DDX10: variants seen among roughly 807,000 people sequenced by gnomAD.
DDX10 encodes the protein probable ATP-dependent RNA helicase DDX10.
In DDX10, 74 loss-of-function variants were observed where a neutral mutation model predicts 104.3. The observed-to-expected ratio is 0.71, with a 90% confidence interval of 0.59 to 0.86. DDX10 has a LOEUF of 0.86. Ranked by LOEUF, DDX10 falls within the 40% of genes least tolerant of loss-of-function variation. The probability of loss-of-function intolerance (pLI) is 0.00; values close to 1 mark genes in which losing one functional copy is unlikely to be tolerated. For missense variants in DDX10, 952 were observed against 1,040.0 expected, an observed-to-expected ratio of 0.92 and a Z score of 1.16; for synonymous variants, 351 against 353.4, an observed-to-expected ratio of 0.99 and a Z score of 0.08.
intron 13 of DDX10, among the ~76,000 whole-genome samples, chr11:108,732,034 A>G (rs534014437): frequency 1.3e-5 from 2 of 152,300 alleles, no homozygotes; most frequent in South Asian, 2.1e-4. Context: ...TATCTTGATT[A>G]TCTTTTTTTC....
intron 16 of DDX10, among the ~76,000 whole-genome samples, chr11:108,888,421 A>G (rs1863330121): frequency 6.6e-6 from 1 of 152,132 alleles, no homozygotes; most frequent in Non-Finnish European, 1.5e-5. Context: ...TCTTTACTAT[A>G]CAGAAGCCCA....
At chr11:108,701,277 C>T (rs1382280353) in intron 9 of DDX10, among the ~76,000 whole-genome samples, 1 of 152,108 alleles carries the variant, frequency 6.6e-6, no homozygotes, top group Non-Finnish European at 1.5e-5. Context: ...TGTCTTTCTG[C>T]ACCTGCATAA....
intron 9 of DDX10, among the ~76,000 whole-genome samples, chr11:108,706,126 C>T (rs2094275481): frequency 1.3e-5 from 2 of 152,066 alleles, no homozygotes; most frequent in South Asian, 4.2e-4. Context: ...CACCTGCCAC[C>T]ATGCCCAGCT....
chr11:108,789,164 TC>T (rs1161877094), intron 13 of DDX10, among the ~76,000 whole-genome samples: 1 of 152,218 alleles, frequency 6.6e-6, no homozygotes, highest in Non-Finnish European at 1.5e-5. Context: ...GGGTGCAGAA[TC>T]CCTTAAATCA....
At chr11:108,906,160 G>A (rs1004765464) in intron 16 of DDX10, among the ~76,000 whole-genome samples, 2 of 152,088 alleles carry the variant, frequency 1.3e-5, no homozygotes, top group Non-Finnish European at 2.9e-5. Flanking sequence ...TTACCATGTA[G>A]TACTTTTATT....
intron 13 of DDX10, among the ~76,000 whole-genome samples, chr11:108,798,722 G>A (rs974602316): frequency 2.6e-5 from 4 of 152,142 alleles, no homozygotes; most frequent in Non-Finnish European, 5.9e-5. Flanking sequence ...AGTGTATTTG[G>A]TGTCTGAGAA....
intron 13 of DDX10, among the ~76,000 whole-genome samples, chr11:108,804,348 A>G (rs2134561364): frequency 6.6e-6 from 1 of 152,082 alleles, no homozygotes; most frequent in South Asian, 2.1e-4. Flanking sequence ...ACAATAAAAA[A>G]AATTTGCCAG....
chr11:108,837,911 C>G (rs934525108), intron 13 of DDX10, among the ~76,000 whole-genome samples: 69 of 152,230 alleles, frequency 4.5e-4, no homozygotes, highest in African/African-American at 1.5e-3. Flanking sequence ...GCGTGAGCCA[C>G]CATGCTCGGC....
At chr11:108,895,316 C>T (rs1591114699) in intron 16 of DDX10, among the ~76,000 whole-genome samples, 1 of 151,028 alleles carries the variant, frequency 6.6e-6, no homozygotes, top group East Asian at 1.9e-4. Context: ...TATTAGTTCC[C>T]TTGTGTTATA....
chr11:108,929,043 C>T (rs923516618), intron 17 of DDX10, among the ~76,000 whole-genome samples: 2 of 152,190 alleles, frequency 1.3e-5, no homozygotes, highest in African/African-American at 2.4e-5. Flanking sequence ...GGAGAGTCCA[C>T]GTTACCAAAT....
At chr11:108,705,876 CA>C (rs2094275116) in intron 9 of DDX10, among the ~76,000 whole-genome samples, 2 of 152,042 alleles carry the variant, frequency 1.3e-5, no homozygotes, top group South Asian at 4.2e-4. Flanking sequence ...CATGTCAGTA[CA>C]AATTTCTGAA....
At position 108,685,182 on chromosome 11, in the gene DDX10, C is replaced by T. The variant is rs181833527; in HGVS notation, c.849-3754C>T. ...TTCACTCTGATGGTAGCAATCAGCG[C>T]GATTCCGTGGGCGTAGGACCCTCTG... On this transcript the variant is annotated intron_variant, in intron 6 of 17. Transcript: ENST00000322536. 8.0e-4 allele frequency among the ~76,000 whole-genome samples: 121 copies of T among 151,748 alleles called. 1 individual carries two copies. Among genetic ancestry groups the T allele is most frequent in the African/African-American group, 4.6e-4 (19 of 41,360 alleles).
intron 12 of DDX10, 130 bp from the exon 13 acceptor site, chr11:108,722,867 G>A (rs1178039075): frequency 7.3e-7 from 1 of 1,376,820 alleles, no homozygotes; most frequent in African/African-American, 1.5e-5. Flanking sequence ...TTAGTATTGA[G>A]TTGTATCTCA....
rs545885192 is a variant in DDX10 at position 108,868,016 on chromosome 11, G to T, written c.2304+15807G>T. On this transcript the variant is annotated intron_variant, in intron 16 of 17. Transcript: ENST00000322536. ...GAATGGTAGCTTGAGGAAACTCCTA[G>T]TTTTCTAGATATTGTAGCTTTGCAT... is the stretch of plus-strand genomic sequence containing the variant. 2.0e-5 allele frequency among the ~76,000 whole-genome samples: 3 copies of T among 152,160 alleles called. No homozygotes were observed. In the South Asian group the frequency reaches 6.2e-4, roughly 32 times the overall value.
At chr11:108,700,182 C>T (rs1789933628) in intron 9 of DDX10, among the ~76,000 whole-genome samples, 1 of 152,150 alleles carries the variant, frequency 6.6e-6, no homozygotes, top group South Asian at 2.1e-4. Flanking sequence ...TTCCCTACCT[C>T]CCACCCCTGT....
intron 11 of DDX10, among the ~76,000 whole-genome samples, chr11:108,719,099 A>G (rs982591266): frequency 4.4e-5 from 6 of 137,450 alleles, no homozygotes; most frequent in African/African-American, 1.5e-4. Flanking sequence ...TCTAGTATGA[A>G]GATAGTTTTT....
chr11:108,903,127 A>G (rs578072754), intron 16 of DDX10, among the ~76,000 whole-genome samples: 1 of 152,134 alleles, frequency 6.6e-6, no homozygotes, highest in Non-Finnish European at 1.5e-5. Flanking sequence ...TTTAATATTC[A>G]TAATGTTGTG....
intron 13 of DDX10, among the ~76,000 whole-genome samples, chr11:108,803,598 A>AAG (rs1555027133): frequency 0.14 from 19,019 of 138,512 alleles, 1,808 homozygotes; most frequent in East Asian, 0.25. Context: ...AAAAAAAAAA[A>AAG]AAAAGAAAAA....
chr11:108,841,585 C>G (rs1415119723), intron 15 of DDX10, 109 bp downstream of exon 15: 2 of 1,021,714 alleles, frequency 2.0e-6, no homozygotes, highest in African/African-American at 1.6e-5. Context: ...TCATTGTTTT[C>G]TCTGACACTT....
Sources: gnomAD v4.1 joint callset for allele counts (sites outside exome capture counted in the v4.1 genomes callset) on GRCh38, gnomAD v4.1.1 for gene constraint, MANE v1.5 for transcripts, NCBI Gene and HGNC (gene_info 2026-07-23, HGNC 2026-07-21) for gene names.